CDH13: variants seen among roughly 807,000 people sequenced by gnomAD.
CDH13 encodes the protein cadherin 13, also known as cadherin-13.
A neutral mutation model predicts 63.8 loss-of-function variants in CDH13; 24 were observed. The ratio of observed to expected loss-of-function variants is 0.38; its 90% CI spans 0.27 to 0.53. The LOEUF (loss-of-function observed/expected upper bound fraction) is 0.53, where lower values mean the gene tolerates loss of function less well. Ranked by LOEUF, CDH13 falls within the 20% of genes least tolerant of loss-of-function variation. The pLI is 0.85. For synonymous variants in CDH13, 503 were observed against 355.3 expected (o/e 1.42, Z -4.67); for missense variants, 1,049 against 903.1 (o/e 1.16, Z -2.07).
At chr16:82,883,579 G>T (rs1029446522) in intron 2 of CDH13, among the ~76,000 whole-genome samples, 2 of 152,220 alleles carry the variant, frequency 1.3e-5, no homozygotes, top group Non-Finnish European at 2.9e-5. Flanking sequence ...TGTTAGTCTA[G>T]ACAGTAGGCA....
chr16:83,736,856 G>T (rs1488334911), intron 10 of CDH13, among the ~76,000 whole-genome samples: 1 of 152,218 alleles, frequency 6.6e-6, no homozygotes, highest in Non-Finnish European at 1.5e-5. Context: ...AAGACGCCCG[G>T]TATGACCTTT....
At chr16:82,712,071 A>G (rs1364689487) in intron 1 of CDH13, among the ~76,000 whole-genome samples, 2 of 152,128 alleles carry the variant, frequency 1.3e-5, no homozygotes, top group African/African-American at 4.8e-5. Context: ...GAAAGATACT[A>G]TCATATTATT....
chr16:82,672,768 TAC>T (rs58819198), intron 1 of CDH13, among the ~76,000 whole-genome samples: 26,526 of 144,474 alleles, frequency 0.18, 2,378 homozygotes, highest in African/African-American at 0.21. Flanking sequence ...TATATATGTG[TAC>T]ACACACACAC....
chr16:83,366,021 G>A (rs992737263), intron 6 of CDH13, among the ~76,000 whole-genome samples: 2 of 152,154 alleles, frequency 1.3e-5, no homozygotes, highest in Admixed American at 6.5e-5. Flanking sequence ...CACAGATACT[G>A]TTGTTGTTTT....
intron 3 of CDH13, among the ~76,000 whole-genome samples, chr16:83,116,504 G>C (rs1013131202): frequency 6.6e-6 from 1 of 152,200 alleles, no homozygotes; most frequent in Non-Finnish European, 1.5e-5. Context: ...CTTCTGTTTA[G>C]TCTTCACATC....
chr16:82,701,609 C>CT lies in CDH13; in HGVS notation c.45+74481dup, dbSNP rs369569524. ...TTGCTTTTTCTGTCAGCAGTCCTTC[C>CT]TTTTTTTTTGGCTGTGCTCTGTGAT... is the stretch of plus-strand genomic sequence containing the variant. On this transcript the variant is annotated intron_variant, in intron 1 of 13. Coordinates refer to ENST00000567109, the MANE Select transcript of CDH13 (RefSeq NM_001257.5). Among the ~76,000 whole-genome samples the CT allele has an allele frequency of 2.1e-3, 315 of 151,152 alleles. 1 individual carries two copies. The highest frequency in any genetic ancestry group is 6.6e-3 in the African/African-American group (273 of 41,184).
chr16:83,302,568 T>A (rs2089774429), intron 5 of CDH13, among the ~76,000 whole-genome samples: 1 of 152,222 alleles, frequency 6.6e-6, no homozygotes, highest in Admixed American at 6.5e-5. Context: ...TCAGAGCTAT[T>A]CAACAAAGTC....
At chr16:82,854,400 C>T (rs141563810) in intron 1 of CDH13, among the ~76,000 whole-genome samples, 2 of 112,042 alleles carry the variant, frequency 1.8e-5, no homozygotes, top group South Asian at 6.8e-4. Flanking sequence ...GGCTCTGTCT[C>T]AAAAAAAAAA....
chr16:83,196,184 A>G (rs2151760816), intron 4 of CDH13, among the ~76,000 whole-genome samples: 1 of 152,234 alleles, frequency 6.6e-6, no homozygotes, highest in Admixed American at 6.5e-5. Context: ...TGAACCCGGG[A>G]GGCGGAGGTT....
intron 6 of CDH13, among the ~76,000 whole-genome samples, chr16:83,398,952 G>A (rs573084923): frequency 6.6e-6 from 1 of 152,280 alleles, no homozygotes; most frequent in South Asian, 2.1e-4. Context: ...TAGTCTTTAT[G>A]TTCAGTCCAT....
intron 2 of CDH13, among the ~76,000 whole-genome samples, chr16:82,893,465 C>T (rs186534901): frequency 3.3e-4 from 51 of 152,278 alleles, no homozygotes; most frequent in African/African-American, 1.1e-3. Context: ...TGTTAATCTA[C>T]AAGTGTGATC....
At chr16:82,890,936 G>A (rs1023889366) in intron 2 of CDH13, among the ~76,000 whole-genome samples, 1 of 152,002 alleles carries the variant, frequency 6.6e-6, no homozygotes, top group African/African-American at 2.4e-5. Flanking sequence ...ACAGGCGTGA[G>A]CCACTGTGCC....
At chr16:83,271,422 TAAAAAAAAAAAAAA>T (rs56382330) in intron 5 of CDH13, among the ~76,000 whole-genome samples, 7 of 26,032 alleles carry the variant, frequency 2.7e-4, no homozygotes, top group Non-Finnish European at 4.2e-4. Context: ...GCAGAGTTCA[TAAAAAAAAAAAAAA>T]AAAAAAAAAA....
chr16:83,723,472 C>T (rs2150939820), intron 10 of CDH13, among the ~76,000 whole-genome samples: 1 of 152,290 alleles, frequency 6.6e-6, no homozygotes, highest in Non-Finnish European at 1.5e-5. Flanking sequence ...ACTGTGGCTC[C>T]CTCTGCCTGG....
chr16:83,035,996 C>A (rs1023794781), intron 3 of CDH13, among the ~76,000 whole-genome samples: 1 of 152,164 alleles, frequency 6.6e-6, no homozygotes, highest in Non-Finnish European at 1.5e-5. Flanking sequence ...GAAGCTGTTA[C>A]TGTTACTGGT....
At chr16:83,315,908 A>G (rs963350408) in intron 5 of CDH13, among the ~76,000 whole-genome samples, 2 of 152,190 alleles carry the variant, frequency 1.3e-5, no homozygotes, top group Non-Finnish European at 2.9e-5. Context: ...ATATATTGAA[A>G]CACATTGTAT....
In CDH13 at chr16:83,058,013, T is replaced by C. The variant is rs116755517; in HGVS notation, c.366+25795T>C. 8.7e-3 allele frequency among the ~76,000 whole-genome samples: 1,328 copies of C among 152,318 alleles called. 16 individuals are homozygous for C. The highest frequency in any genetic ancestry group is 0.03 in the African/African-American group (1,257 of 41,564). ...ACAAAGATAATCATGTCTTGGATTA[T>C]CATGACTCACAGCAACTTTACTTTC... On this transcript the variant is annotated intron_variant, in intron 3 of 13. Transcript: ENST00000567109.
intron 1 of CDH13, among the ~76,000 whole-genome samples, chr16:82,838,917 A>G (rs9932406): frequency 0.32 from 48,102 of 152,086 alleles, 8,837 homozygotes; most frequent in East Asian, 0.81. Flanking sequence ...TTTCTCAAAG[A>G]GCCAGATAAT....
In CDH13 at chr16:83,085,736, G is replaced by A. The variant is rs181556699; in HGVS notation, c.367-39649G>A. ...GAGATGAGCAACCATGTCACTATGG[G>A]TTGTATAGTCAAATACATATATTTG... On this transcript the variant is annotated intron_variant, in intron 3 of 13. Transcript: ENST00000567109. Among the ~76,000 whole-genome samples, 15 of 152,262 alleles carry A rather than the reference G, an allele frequency of 9.9e-5. No homozygotes were observed. In the East Asian group the frequency reaches 2.9e-3, roughly 29 times the overall value.
Sources: gnomAD v4.1 joint callset for allele counts (sites outside exome capture counted in the v4.1 genomes callset) on GRCh38, gnomAD v4.1.1 for gene constraint, MANE v1.5 for transcripts, NCBI Gene and HGNC (gene_info 2026-07-23, HGNC 2026-07-21) for gene names.